Variants in MRPL18 observed in about 807,000 individuals in gnomAD.
MRPL18 encodes the protein large ribosomal subunit protein uL18m.
MRPL18 carries 16 observed loss-of-function variants against 20.9 expected under a neutral mutation model. The ratio of observed to expected loss-of-function variants is 0.76; its 90% confidence interval spans 0.52 to 1.16. The LOEUF (loss-of-function observed/expected upper bound fraction) is 1.16. MRPL18 is among the 50% of genes most tolerant of loss of function. MRPL18 has a pLI of 0.00. For synonymous variants in MRPL18, 91 were observed against 87.1 expected (o/e 1.04, Z -0.25); for missense variants, 233 against 230.6 (o/e 1.01, Z -0.07).
chr6:159,791,216 C>A, intron 2 of MRPL18, 90 bp downstream of exon 2: 1 of 1,487,858 alleles, frequency 6.7e-7, no homozygotes, highest in Non-Finnish European at 9.1e-7. Flanking sequence ...CAGGTAGCTG[C>A]CATGCGGCGG....
rs1163428830 is a variant in MRPL18, at chr6:159,791,095, A to G, written c.208A>G (p.Thr70Ala). 6.2e-7 allele frequency: 1 copy of G among 1,614,052 alleles called. No individual in the cohort carries two copies. The highest frequency in any genetic ancestry group is 2.2e-5 in the East Asian group (1 of 44,894). The part of the protein sequence containing the change: ...SVARKERGWR[T>A]VFPSREFWHR... ...AGCCAGGAAAGAGCGGGGCTGGCGG[A>G]CGGTGTTTCCCTCCCGTGAGTTCTG... Residue 70 changes from threonine to alanine, a missense_variant, in exon 2 of 4, where the codon ACG becomes GCG. Coordinates refer to ENST00000367034, the MANE Select transcript of MRPL18 (RefSeq NM_014161.5).
At chr6:159,793,923 A>AG (rs1780971814) in intron 2 of MRPL18, among the ~76,000 whole-genome samples, 4 of 152,076 alleles carry the variant, frequency 2.6e-5, no homozygotes, top group South Asian at 4.1e-4. Context: ...AAAAAAAAAA[A>AG]AGAGATTGTG....
At chr6:159,795,664 A>G (rs1781013682) in intron 2 of MRPL18, among the ~76,000 whole-genome samples, 1 of 152,262 alleles carries the variant, frequency 6.6e-6, no homozygotes, top group Admixed American at 6.5e-5. Flanking sequence ...CTACACAGAC[A>G]GTAACAATCT....
At position 159,791,109 on chromosome 6, in the gene MRPL18, C is replaced by G. The variant is rs781482646; in HGVS notation, c.222C>G (p.Ser74=). The stretch of plus-strand genomic sequence containing the variant: ...GGGGCTGGCGGACGGTGTTTCCCTC[C>G]CGTGAGTTCTGGCACAGGTAATTAA... The part of the protein sequence containing the change: ...KERGWRTVFP[S]REFWHRLRVI... The change falls in exon 2 of 4, where the codon TCC becomes TCG. Residue 74 remains serine (S), a synonymous_variant. Transcript: ENST00000367034. The G allele has an allele frequency of 1.8e-5, 29 of 1,614,164 alleles. No homozygotes were observed. The highest frequency in any genetic ancestry group is 2.4e-5 in the Non-Finnish European group (28 of 1,180,038).
chr6:159,796,162 A>C (rs1344756217), intron 2 of MRPL18, among the ~76,000 whole-genome samples: 1 of 135,010 alleles, frequency 7.4e-6, no homozygotes, highest in Admixed American at 7.6e-5. Context: ...CCATGCAGCA[A>C]ATTTTGTCCA....
At chr6:159,790,282 T>C (rs1304805539), upstream of MRPL18, among the ~76,000 whole-genome samples, 1 of 152,196 alleles carries the variant, frequency 6.6e-6, no homozygotes, top group Non-Finnish European at 1.5e-5. Flanking sequence ...GTGGGGTGTG[T>C]GCCTTTGACC....
rs757861634 is a variant in MRPL18, at chr6:159,790,648, T to C, written c.52+9T>C. On this transcript the variant is annotated intron_variant, in intron 1 of 3. Transcript: ENST00000367034. ...GGTTTGCAGGAACCCTGGTAATTAG[T>C]CTTGCCCCCCTTCTCCCAGCTCACT... 2 of 1,614,046 alleles carry C rather than the reference T, an allele frequency of 1.2e-6. No homozygotes were observed. The highest frequency in any genetic ancestry group is 1.7e-6 in the Non-Finnish European group (2 of 1,179,942).
rs755403057 is a variant in MRPL18, at chr6:159,797,496, C to G, written c.449C>G (p.Pro150Arg). Residue 150 changes from proline to arginine, a missense_variant, in exon 3 of 4, where the codon CCG (proline) becomes CGG (arginine). Pro to Arg is a moderately radical substitution (Grantham distance 103, BLOSUM62 -2). Transcript: ENST00000367034. ...AACTTCATGGTCTACCAACCAACCC[C>G]GTGGGAGGCAGCCTCAGACTCGGTA... is the stretch of plus-strand genomic sequence containing the variant. ...GINFMVYQPT[P>R]WEAASDSMKR... The G allele has an allele frequency of 1.2e-6, 2 of 1,614,098 alleles. No individual in the cohort carries two copies. The highest frequency in any genetic ancestry group is 2.2e-5 in the South Asian group (2 of 91,078).
At chr6:159,790,240 G>A (rs546155144), upstream of MRPL18, among the ~76,000 whole-genome samples, 12 of 152,280 alleles carry the variant, frequency 7.9e-5, no homozygotes, top group Admixed American at 4.6e-4. Context: ...GACCGCCCAA[G>A]CTCTCCGAGT....
chr6:159,790,759 G>A (rs1372414975), intron 1 of MRPL18, 120 bp downstream of exon 1: 2 of 1,440,082 alleles, frequency 1.4e-6, no homozygotes, highest in Admixed American at 3.9e-5. Flanking sequence ...GCGGCACTGC[G>A]AAGACCACAG....
At position 159,790,937 on chromosome 6, in the gene MRPL18, C is replaced by T; in HGVS notation, c.53-3C>T. On this transcript the variant is annotated splice_region_variant and splice_polypyrimidine_tract_variant and intron_variant, in intron 1 of 3. Coordinates refer to ENST00000367034, the MANE Select transcript of MRPL18 (RefSeq NM_014161.5). ...GCCCTGTGCGGTTTTTCCCGTTGCC[C>T]AGGGTGCAGGTTCGCAGCCCTGTCA... 3 of 1,613,940 alleles carry T rather than the reference C, an allele frequency of 1.9e-6. No homozygotes were observed. The highest frequency in any genetic ancestry group is 2.5e-6 in the Non-Finnish European group (3 of 1,179,964).
rs777505841 is a variant in MRPL18, at chr6:159,797,391, A to G, written c.344A>G (p.His115Arg). 2 of 1,614,142 alleles carry G rather than the reference A, an allele frequency of 1.2e-6. No individual in the cohort carries two copies. The highest frequency in any genetic ancestry group is 4.5e-5 in the East Asian group (2 of 44,884). ...ASTREWAIKKHLYSTRNVVAC... is the reference protein window; with the variant it reads ...ASTREWAIKKRLYSTRNVVAC... ...ACTCGTGAGTGGGCTATTAAAAAGC[A>G]CCTTTATAGTACCAGAAATGTGGTG... The change falls in exon 3 of 4, where the codon CAC becomes CGC. Residue 115 changes from histidine to arginine, a missense_variant. Physicochemically the swap from His to Arg is conservative, Grantham distance 29. Coordinates refer to ENST00000367034, the MANE Select transcript of MRPL18 (RefSeq NM_014161.5).
chr6:159,790,669 T>A, intron 1 of MRPL18, 30 bp downstream of exon 1: 3 of 1,612,310 alleles, frequency 1.9e-6, no homozygotes, highest in Non-Finnish European at 2.5e-6. Context: ...TTCTCCCAGC[T>A]CACTCGCCTG....
chr6:159,791,110 C>G lies in MRPL18; in HGVS notation c.223C>G (p.Arg75Gly). The G allele has an allele frequency of 6.8e-6, 11 of 1,614,180 alleles. No homozygotes were observed. Among genetic ancestry groups the G allele is most frequent in the South Asian group, 1.1e-5 (1 of 91,082 alleles). Reference protein sequence around the residue: ...ERGWRTVFPSREFWHRLRVIR... With the variant: ...ERGWRTVFPSGEFWHRLRVIR... The stretch of plus-strand genomic sequence containing the variant: ...GGGCTGGCGGACGGTGTTTCCCTCC[C>G]GTGAGTTCTGGCACAGGTAATTAAA... The change falls in exon 2 of 4, where the codon CGT becomes GGT. Residue 75 changes from arginine to glycine, a missense_variant. Physicochemically the swap from Arg to Gly is moderately radical, Grantham distance 125. Coordinates refer to ENST00000367034, the MANE Select transcript of MRPL18 (RefSeq NM_014161.5).
rs759629534 is a variant in MRPL18 at position 159,790,548 on chromosome 6, G to C, written c.-40G>C. The C allele has an allele frequency of 4.3e-6, 7 of 1,614,020 alleles. No homozygotes were observed. In the South Asian group the frequency reaches 7.7e-5, roughly 18 times the overall value. On this transcript the variant is annotated 5_prime_UTR_variant, in exon 1 of 4. An upstream open reading frame in the 5' UTR loses its in-frame stop. Coordinates refer to ENST00000367034, the MANE Select transcript of MRPL18 (RefSeq NM_014161.5). ...CCTGGCGAGCGACTGAGTCGTCCGT[G>C]AGGAAAAAGAGGCGAGGCTTTTCCG...
intron 2 of MRPL18, among the ~76,000 whole-genome samples, chr6:159,793,517 AG>A: frequency 6.6e-6 from 1 of 152,326 alleles, no homozygotes; most frequent in East Asian, 1.9e-4. Flanking sequence ...ACAATGGCTG[AG>A]TCGAACAGTT....
At position 159,790,481 on chromosome 6, in the gene MRPL18, C is replaced by T; in HGVS notation, c.-107C>T. ...CGTCTGGCGTGGAGAGTTTGGGGATCTACAGCAGCCAAAGGCTTGTCCCTG... is the reference window on the plus strand; with the variant it reads ...CGTCTGGCGTGGAGAGTTTGGGGATTTACAGCAGCCAAAGGCTTGTCCCTG... On this transcript the variant is annotated 5_prime_UTR_variant, in exon 1 of 4. Transcript: ENST00000367034. 1 of 1,481,452 alleles carries T rather than the reference C, an allele frequency of 6.8e-7. No homozygotes were observed. The highest frequency in any genetic ancestry group is 9.4e-7 in the Non-Finnish European group (1 of 1,069,244). The allele number at this position is 1,481,452 out of a possible 1,614,324, so 91.8% of individuals were successfully genotyped here.
At chr6:159,795,857 C>G (rs1294641010) in intron 2 of MRPL18, among the ~76,000 whole-genome samples, 2 of 152,154 alleles carry the variant, frequency 1.3e-5, no homozygotes, top group Non-Finnish European at 2.9e-5. Flanking sequence ...TATCACGGCT[C>G]ACTGCAGCCA....
chr6:159,796,361 T>C (rs564393661), intron 2 of MRPL18, among the ~76,000 whole-genome samples: 2 of 151,538 alleles, frequency 1.3e-5, no homozygotes, highest in Admixed American at 6.6e-5. Flanking sequence ...GCGCCTGTAG[T>C]CCCAGCCACT....
Sources: allele counts gnomAD v4.1 joint callset (sites outside exome capture counted in the v4.1 genomes callset), GRCh38; gene constraint gnomAD v4.1.1; transcripts MANE v1.5; gene names NCBI Gene and HGNC (gene_info 2026-07-23, HGNC 2026-07-21).